Variants in PALD1 observed in about 807,000 individuals in gnomAD.
PALD1 encodes the protein paladin.
In PALD1, 57 loss-of-function variants were observed where a neutral mutation model predicts 96.0. That is an observed-to-expected ratio of 0.59 (90% CI 0.48 to 0.74). The LOEUF (loss-of-function observed/expected upper bound fraction) is 0.74, where lower values mean the gene tolerates loss of function less well. Ranked by LOEUF, PALD1 falls within the 30% of genes least tolerant of loss-of-function variation. The probability of loss-of-function intolerance (pLI) is 0.00; values close to 1 mark genes in which losing one functional copy is unlikely to be tolerated. For synonymous variants in PALD1, 464 were observed against 473.6 expected, an observed-to-expected ratio of 0.98 and a Z score of 0.26; for missense variants, 1,063 against 1,143.7, an observed-to-expected ratio of 0.93 and a Z score of 1.02.
Position 70,567,568 on chromosome 10 carries a change from C to G in PALD1, c.*835C>G, listed in dbSNP as rs546552451. 41 of 153,096 alleles carry G rather than the reference C, an allele frequency of 2.7e-4. 1 individual carries two copies. The highest frequency in any genetic ancestry group is 2.3e-3 in the Admixed American group (35 of 15,310). The allele number at this position is 153,096 out of a possible 1,614,324, so 9.5% of individuals were successfully genotyped here. A position where few individuals can be genotyped will look rare whatever the true frequency, so the allele number is the denominator to read the frequency against. On this transcript the variant is annotated 3_prime_UTR_variant, in exon 20 of 20. Coordinates refer to ENST00000263563, the MANE Select transcript of PALD1 (RefSeq NM_014431.3). ...CCGGCATCTCTCTCTGTCCCGGCAG[C>G]CCAGGATGGCCTGGTGCCCCCACCT...
chr10:70,468,601 C>G, the PALD1 span, among the ~76,000 whole-genome samples: 7 of 152,230 alleles, frequency 4.6e-5, no homozygotes, highest in East Asian at 7.7e-4. Flanking sequence ...TGGAGCCCCC[C>G]TTCCCTGCCT....
chr10:70,543,791 G>A (rs558736209), intron 17 of PALD1, among the ~76,000 whole-genome samples: 49 of 152,126 alleles, frequency 3.2e-4, no homozygotes, highest in Non-Finnish European at 6.3e-4. Flanking sequence ...CCCCGTGCTG[G>A]GAGCTGTGTG....
intron 1 of PALD1, among the ~76,000 whole-genome samples, chr10:70,511,889 TG>T (rs1475595969): frequency 6.6e-6 from 1 of 152,096 alleles, no homozygotes; most frequent in Admixed American, 6.5e-5. Context: ...TAGCCGGGTG[TG>T]GTGGCGGGTG....
chr10:70,560,745 A>G (rs1253256907), intron 18 of PALD1, among the ~76,000 whole-genome samples: 1 of 151,990 alleles, frequency 6.6e-6, no homozygotes, highest in African/African-American at 2.4e-5. Context: ...CGGAGGCTTG[A>G]GATGCCCGAA....
At chr10:70,485,014 A>G (rs1022802658) in intron 1 of PALD1, among the ~76,000 whole-genome samples, 1 of 152,202 alleles carries the variant, frequency 6.6e-6, no homozygotes, top group African/African-American at 2.4e-5. Flanking sequence ...ATGGAAAGAA[A>G]TCCCATTTTT....
chr10:70,514,303 G>C (rs865964375), intron 1 of PALD1, among the ~76,000 whole-genome samples: 18 of 152,282 alleles, frequency 1.2e-4, no homozygotes, highest in African/African-American at 4.1e-4. Context: ...CGCAGTGGCA[G>C]CCCCGCCTGC....
intron 1 of PALD1, among the ~76,000 whole-genome samples, chr10:70,506,211 A>G (rs1355108595): frequency 6.6e-6 from 1 of 152,164 alleles, no homozygotes; most frequent in Admixed American, 6.5e-5. Flanking sequence ...CTTACGTGAC[A>G]TTGGTGAATT....
Position 70,529,348 on chromosome 10 carries a change from C to T in PALD1, c.288+17C>T, listed in dbSNP as rs761741036. On this transcript the variant is annotated intron_variant, in intron 3 of 19. Transcript: ENST00000263563. ...CTGGTGCAAGTGAGCTCAGGCCTTACCCTGCCAGCCCGCCTGCTGCCTCCC... is the reference window on the plus strand; with the variant it reads ...CTGGTGCAAGTGAGCTCAGGCCTTATCCTGCCAGCCCGCCTGCTGCCTCCC... The T allele has an allele frequency of 2.7e-5, 36 of 1,345,058 alleles. No individual in the cohort carries two copies. The South Asian group carries it at 3.5e-4, about 13-fold the overall frequency. The allele number at this position is 1,345,058 out of a possible 1,614,324, so 83.3% of individuals were successfully genotyped here. A position where few individuals can be genotyped will look rare whatever the true frequency, so the allele number is the denominator to read the frequency against.
intron 10 of PALD1, 141 bp downstream of exon 10, chr10:70,534,984 A>C (rs1379480166): frequency 4.6e-6 from 3 of 657,006 alleles, no homozygotes; most frequent in Non-Finnish European, 8.3e-6. Context: ...TTTTCAGAGG[A>C]AGGGGAGATA....
intron 1 of PALD1, among the ~76,000 whole-genome samples, chr10:70,495,754 C>T (rs1036666758): frequency 6.6e-6 from 1 of 151,278 alleles, no homozygotes; most frequent in African/African-American, 2.4e-5. Context: ...CCTGTAATCC[C>T]AGCACTGTGG....
At chr10:70,472,353 C>T in the PALD1 span, among the ~76,000 whole-genome samples, 21 of 152,248 alleles carry the variant, frequency 1.4e-4, no homozygotes, top group African/African-American at 3.4e-4. Context: ...CTCTACCTCC[C>T]GGGTTCAAGC....
chr10:70,537,384 G>C (rs543301268), intron 10 of PALD1, among the ~76,000 whole-genome samples: 1 of 152,198 alleles, frequency 6.6e-6, no homozygotes, highest in Non-Finnish European at 1.5e-5. Context: ...GACCACAGGC[G>C]TGAGCCACCG....
intron 1 of PALD1, among the ~76,000 whole-genome samples, chr10:70,514,505 G>C (rs1846582494): frequency 6.6e-6 from 1 of 152,042 alleles, no homozygotes; most frequent in Non-Finnish European, 1.5e-5. Context: ...GTTTTAAAGA[G>C]AAAGAGGCTG....
At chr10:70,555,134 C>G (rs1564710627) in intron 18 of PALD1, among the ~76,000 whole-genome samples, 2 of 147,334 alleles carry the variant, frequency 1.4e-5, no homozygotes. Flanking sequence ...ACCACCACTC[C>G]CGGCTAATTT....
chr10:70,544,716 C>CT (rs1827021553), intron 17 of PALD1, among the ~76,000 whole-genome samples: 1 of 152,278 alleles, frequency 6.6e-6, no homozygotes, highest in South Asian at 2.1e-4. Flanking sequence ...AGCCCTCTGT[C>CT]TGAGGTGGCC....
chr10:70,549,892 A>G (rs1378901395), intron 18 of PALD1, among the ~76,000 whole-genome samples: 1 of 152,162 alleles, frequency 6.6e-6, no homozygotes, highest in Non-Finnish European at 1.5e-5. Context: ...AGAGCCAGCT[A>G]GGATTCTTAC....
Position 70,566,970 on chromosome 10 carries a change from A to G in PALD1, c.*237A>G. ...GTGTGGCTGACCTCCAGGGAGGAGC[A>G]CTCACTGGAGTGCTCACAAGGTGCA... is the stretch of plus-strand genomic sequence containing the variant. On this transcript the variant is annotated 3_prime_UTR_variant, in exon 20 of 20. Transcript: ENST00000263563. The G allele has an allele frequency of 1.9e-6, 1 of 525,938 alleles. No homozygotes were observed. 32.6% of individuals were successfully genotyped at this position (525,938 alleles called of 1,614,324 possible). A position where few individuals can be genotyped will look rare whatever the true frequency, so the allele number is the denominator to read the frequency against.
chr10:70,535,437 C>T (rs1847090999), intron 10 of PALD1, among the ~76,000 whole-genome samples: 1 of 114,740 alleles, frequency 8.7e-6, no homozygotes, highest in African/African-American at 3.3e-5. Context: ...CCTCCTCCCC[C>T]CGCTTCCTCC....
chr10:70,551,438 G>C (rs1438762582), intron 18 of PALD1, among the ~76,000 whole-genome samples: 1 of 152,124 alleles, frequency 6.6e-6, no homozygotes, highest in African/African-American at 2.4e-5. Context: ...CTCAGGCTTG[G>C]GTAGGGCTTT....
Sources: gnomAD v4.1 joint callset for allele counts (sites outside exome capture counted in the v4.1 genomes callset) on GRCh38, gnomAD v4.1.1 for gene constraint, MANE v1.5 for transcripts, NCBI Gene and HGNC (gene_info 2026-07-23, HGNC 2026-07-21) for gene names.